The following ZNF622 variants were observed in gnomAD, a reference collection of about 807,000 sequenced individuals.
ZNF622 encodes the protein cytoplasmic 60S subunit biogenesis factor ZNF622.
In ZNF622, 34 loss-of-function variants were observed where a neutral mutation model predicts 49.7. The observed-to-expected ratio is 0.68, with a 90% CI of 0.52 to 0.91. The LOEUF (loss-of-function observed/expected upper bound fraction) is 0.91. ZNF622 is among the 40% of genes least tolerant of loss of function. The pLI is 0.00. For synonymous variants in ZNF622, 209 were observed against 228.7 expected, an observed-to-expected ratio of 0.91 and a Z score of 0.78; for missense variants, 569 against 616.4, an observed-to-expected ratio of 0.92 and a Z score of 0.81.
intron 4 of ZNF622, among the ~76,000 whole-genome samples, chr5:16,454,765 T>C (rs1001085413): frequency 1.3e-5 from 2 of 152,176 alleles, no homozygotes; most frequent in Non-Finnish European, 2.9e-5. Context: ...GCTTTGGTGC[T>C]TGCTACAACA....
At chr5:16,462,600 G>A (rs1738137281) in intron 3 of ZNF622, among the ~76,000 whole-genome samples, 1 of 152,140 alleles carries the variant, frequency 6.6e-6, no homozygotes, top group Non-Finnish European at 1.5e-5. Flanking sequence ...GCTGCAGTAG[G>A]CCATGATTGT....
intron 5 of ZNF622, among the ~76,000 whole-genome samples, chr5:16,451,992 T>C (rs1737942608): frequency 1.3e-5 from 2 of 152,186 alleles, no homozygotes; most frequent in South Asian, 4.1e-4. Context: ...TTTGTATATA[T>C]ACACTTATCT....
chr5:16,454,960 T>C (rs27753), intron 4 of ZNF622, among the ~76,000 whole-genome samples: 45,530 of 152,116 alleles, frequency 0.3, 7,029 homozygotes, highest in East Asian at 0.46. Context: ...CCAAAGGTGG[T>C]CATCAGCATT....
In ZNF622 at chr5:16,463,984, T is replaced by G. The variant is rs1444099643; in HGVS notation, c.626-242A>C. On this transcript the variant is annotated intron_variant, in intron 1 of 5. Coordinates refer to ENST00000308683, the MANE Select transcript of ZNF622 (RefSeq NM_033414.3). This position sits in a 1 kb window ranked among gnomAD's most constrained non-coding sequence, Gnocchi z 4.2. Reference sequence around the variant, plus strand: ...AACAGGAATCTTTTCTTTGTTTCTTTCCTATGCCTTACAGCACCTAGCCCA... The same window carrying G: ...AACAGGAATCTTTTCTTTGTTTCTTGCCTATGCCTTACAGCACCTAGCCCA... Among the ~76,000 whole-genome samples the G allele has an allele frequency of 2.0e-5, 3 of 152,214 alleles. No homozygotes were observed. The highest frequency in any genetic ancestry group is 4.4e-5 in the Non-Finnish European group (3 of 68,046).
At chr5:16,453,756 C>G (rs534201234) in intron 4 of ZNF622, among the ~76,000 whole-genome samples, 1 of 152,014 alleles carries the variant, frequency 6.6e-6, no homozygotes, top group African/African-American at 2.4e-5. Flanking sequence ...ACATTGGGCA[C>G]TGACTGAACA....
chr5:16,459,007 T>C (rs1316365286), intron 3 of ZNF622, among the ~76,000 whole-genome samples: 3 of 152,262 alleles, frequency 2.0e-5, no homozygotes, highest in African/African-American at 4.8e-5. Context: ...TATGTCTTTG[T>C]GTCTGATACA....
chr5:16,456,861 C>A (rs1225874949), intron 4 of ZNF622, among the ~76,000 whole-genome samples: 1 of 139,320 alleles, frequency 7.2e-6, no homozygotes, highest in African/African-American at 2.7e-5. Flanking sequence ...AATGGTGACA[C>A]AGATAAATGA....
intron 4 of ZNF622, among the ~76,000 whole-genome samples, chr5:16,458,255 TAAAA>T (rs55760045): frequency 2.5e-5 from 3 of 119,302 alleles, no homozygotes; most frequent in Non-Finnish European, 1.9e-5. Flanking sequence ...GGTCTACATC[TAAAA>T]AAAAAAAAAA....
chr5:16,458,707 T>G (rs112459584), intron 3 of ZNF622, 78 bp from the exon 4 acceptor site: 2 of 1,053,622 alleles, frequency 1.9e-6, no homozygotes, highest in Non-Finnish European at 2.8e-6. Flanking sequence ...TTTGCAAATG[T>G]GGCAAACTTC....
chr5:16,463,322 T>C lies in ZNF622; in HGVS notation c.887-52A>G, dbSNP rs757883494. 4.5e-6 allele frequency: 7 copies of C among 1,557,654 alleles called. No individual in the cohort carries two copies. The highest frequency in any genetic ancestry group is 2.0e-5 in the Admixed American group (1 of 49,498). ...ATGAAAAAAGCTTTTTGCAACCAGATTAAATCTCACTATTTGTCACCAAAA... is the reference window on the plus strand; with the variant it reads ...ATGAAAAAAGCTTTTTGCAACCAGACTAAATCTCACTATTTGTCACCAAAA... On this transcript the variant is annotated intron_variant, in intron 2 of 5. Transcript: ENST00000308683. The surrounding 1 kb of genome is among the most constrained non-coding windows in gnomAD (Gnocchi z 4.2).
chr5:16,463,792 C>CA lies in ZNF622; in HGVS notation c.626-51dup. The stretch of plus-strand genomic sequence containing the variant: ...AAAGTTTAAGAAAAGTAGTAGCAAG[C>CA]AAAGATATCACAAAAATTCACGAGG... On this transcript the variant is annotated intron_variant, in intron 1 of 5. Coordinates refer to ENST00000308683, the MANE Select transcript of ZNF622 (RefSeq NM_033414.3). The surrounding 1 kb of genome is among the most constrained non-coding windows in gnomAD (Gnocchi z 4.2). 6.3e-7 allele frequency: 1 copy of CA among 1,581,434 alleles called. No homozygotes were observed. The highest frequency in any genetic ancestry group is 8.6e-7 in the Non-Finnish European group (1 of 1,162,032).
Position 16,465,385 on chromosome 5 carries a change from A to C in ZNF622, c.281T>G (p.Leu94Arg). Residue 94 changes from leucine (L) to arginine (R), a missense_variant, in exon 1 of 6, where the codon CTG becomes CGG. Transcript: ENST00000308683. This position sits in a 1 kb window ranked among gnomAD's most constrained non-coding sequence, Gnocchi z 6.2. ...CACTGCCTGCACGGCCTTCTTCTCC[A>C]GCTCAACGTGACGCCGGGACTTGAG... is the stretch of plus-strand genomic sequence containing the variant. Reference protein sequence around the residue: ...NHLKSRRHVELEKKAVQAVNR... With the variant: ...NHLKSRRHVEREKKAVQAVNR... 6.2e-7 allele frequency: 1 copy of C among 1,614,260 alleles called. No individual in the cohort carries two copies. The highest frequency in any genetic ancestry group is 8.5e-7 in the Non-Finnish European group (1 of 1,180,044).
Position 16,463,827 on chromosome 5 carries a change from C to G in ZNF622, c.626-85G>C. On this transcript the variant is annotated intron_variant, in intron 1 of 5. Transcript: ENST00000308683. The surrounding 1 kb of genome is among the most constrained non-coding windows in gnomAD (Gnocchi z 4.2). ...ACAAAAATTCACGAGGTGATACAGTCCTATATTTGGAGAAACAGCCACACC... is the reference window on the plus strand; with the variant it reads ...ACAAAAATTCACGAGGTGATACAGTGCTATATTTGGAGAAACAGCCACACC... 1 of 1,443,116 alleles carries G rather than the reference C, an allele frequency of 6.9e-7. No individual in the cohort carries two copies. Among genetic ancestry groups the G allele is most frequent in the Admixed American group, 2.1e-5 (1 of 48,274 alleles). 89.4% of individuals were successfully genotyped at this position (1,443,116 alleles called of 1,614,324 possible).
chr5:16,462,262 T>G (rs1248074707), intron 3 of ZNF622, among the ~76,000 whole-genome samples: 2 of 152,208 alleles, frequency 1.3e-5, no homozygotes, highest in East Asian at 3.8e-4. Context: ...GGCATGGTAA[T>G]TATACACATC....
intron 4 of ZNF622, among the ~76,000 whole-genome samples, chr5:16,454,129 A>G (rs1737982522): frequency 6.6e-6 from 1 of 152,180 alleles, no homozygotes; most frequent in Admixed American, 6.5e-5. Context: ...ATTATCTCAT[A>G]GGCCCACTAA....
At chr5:16,454,528 T>C (rs1309208398) in intron 4 of ZNF622, among the ~76,000 whole-genome samples, 1 of 150,516 alleles carries the variant, frequency 6.6e-6, no homozygotes, top group African/African-American at 2.4e-5. Context: ...ACAAAGGTAT[T>C]GGCCACCAAT....
At chr5:16,460,274 A>G (rs1208282205) in intron 3 of ZNF622, among the ~76,000 whole-genome samples, 1 of 152,220 alleles carries the variant, frequency 6.6e-6, no homozygotes, top group East Asian at 1.9e-4. Context: ...CGAATACTTT[A>G]GTTTGGATGC....
intron 4 of ZNF622, among the ~76,000 whole-genome samples, chr5:16,456,691 A>T (rs139938116): frequency 6.6e-4 from 100 of 152,316 alleles, no homozygotes; most frequent in African/African-American, 2.4e-3. Flanking sequence ...AGCACTACAC[A>T]CCTGAGGGAC....
In ZNF622 at chr5:16,453,061, C is replaced by T; in HGVS notation, c.1258G>A (p.Gly420Ser). 1 of 1,584,990 alleles carries T rather than the reference C, an allele frequency of 6.3e-7. No homozygotes were observed. Among genetic ancestry groups the T allele is most frequent in the South Asian group, 1.1e-5 (1 of 87,860 alleles). Residue 420 changes from glycine to serine, a missense_variant, in exon 5 of 6, where the codon GGC becomes AGC. By Grantham distance (56) the Gly-to-Ser change is moderately conservative (BLOSUM62 0). Coordinates refer to ENST00000308683, the MANE Select transcript of ZNF622 (RefSeq NM_033414.3). ...GCTCTGTACTGCTGAAGTACTCGGC[C>T]CACGGCCTTCCGATTTTTGGCAACT... Reference protein sequence around the residue: ...VAVAKNRKAVGRVLQQYRALG... With the variant: ...VAVAKNRKAVSRVLQQYRALG...
Sources: allele counts gnomAD v4.1 joint callset (sites outside exome capture counted in the v4.1 genomes callset), GRCh38; gene constraint gnomAD v4.1.1; non-coding constraint Gnocchi (gnomAD v3.1); transcripts MANE v1.5; gene names NCBI Gene and HGNC (gene_info 2026-07-23, HGNC 2026-07-21).